CDKAL1: variants seen among roughly 807,000 people sequenced by gnomAD.
CDKAL1 encodes the protein CDKAL1 threonylcarbamoyladenosine tRNA methylthiotransferase.
A neutral mutation model predicts 68.2 loss-of-function variants in CDKAL1; 32 were observed. The observed-to-expected ratio is 0.47, with a 90% CI of 0.35 to 0.63. The LOEUF (loss-of-function observed/expected upper bound fraction) is 0.63, where lower values mean the gene tolerates loss of function less well. Ranked by LOEUF, CDKAL1 falls within the 30% of genes least tolerant of loss-of-function variation. The probability of loss-of-function intolerance (pLI) is 0.00; values close to 1 mark genes in which losing one functional copy is unlikely to be tolerated. For missense variants in CDKAL1, 606 were observed against 696.7 expected (o/e 0.87, Z 1.47); for synonymous variants, 234 against 244.3 (o/e 0.96, Z 0.39).
chr6:20,602,310 T>G (rs143690382), intron 4 of CDKAL1, among the ~76,000 whole-genome samples: 162 of 152,302 alleles, frequency 1.1e-3, no homozygotes, highest in Middle Eastern at 3.4e-3. Context: ...CCTTGTCAGC[T>G]CTCATGTCCA....
chr6:20,619,611 G>T (rs570546111), intron 4 of CDKAL1, among the ~76,000 whole-genome samples: 43 of 152,240 alleles, frequency 2.8e-4, no homozygotes, highest in African/African-American at 8.4e-4. Context: ...GTTATCATTT[G>T]TATCATTCAT....
rs148378577 is a variant in CDKAL1, at chr6:21,047,375, T to C, written c.1056-17673T>C. Reference sequence around the variant, plus strand: ...AGAGAAGCCATCATTTACAAAGCCTTGTGAATCTCCACTTATTCCTTTCCC... The same window carrying C: ...AGAGAAGCCATCATTTACAAAGCCTCGTGAATCTCCACTTATTCCTTTCCC... On this transcript the variant is annotated intron_variant, in intron 11 of 15. Coordinates refer to ENST00000274695, the MANE Select transcript of CDKAL1 (RefSeq NM_017774.3). Among the ~76,000 whole-genome samples the C allele has an allele frequency of 2.6e-5, 4 of 152,328 alleles. No individual in the cohort carries two copies. In the East Asian group the frequency reaches 7.7e-4, roughly 29 times the overall value.
intron 8 of CDKAL1, 31 bp downstream of exon 8, chr6:20,781,296 A>T: frequency 1.3e-6 from 2 of 1,559,212 alleles, no homozygotes; most frequent in Non-Finnish European, 1.7e-6. Flanking sequence ...CTCATAAAAT[A>T]TTCAATATAT....
intron 4 of CDKAL1, among the ~76,000 whole-genome samples, chr6:20,590,481 A>G (rs1765546310): frequency 6.6e-6 from 1 of 151,952 alleles, no homozygotes; most frequent in African/African-American, 2.4e-5. Context: ...TACATTAGGT[A>G]TTTCTCCTAA....
intron 9 of CDKAL1, among the ~76,000 whole-genome samples, chr6:20,935,761 G>T (rs1763676212): frequency 6.6e-6 from 1 of 152,098 alleles, no homozygotes. Flanking sequence ...ATAGAAACAG[G>T]ATCTTGCTAC....
intron 4 of CDKAL1, among the ~76,000 whole-genome samples, chr6:20,557,580 T>C (rs1256895981): frequency 1.3e-5 from 2 of 152,160 alleles, no homozygotes; most frequent in East Asian, 1.9e-4. Flanking sequence ...TGAATACATA[T>C]ATATGTTTTA....
At chr6:20,665,715 T>TC (rs145494032) in intron 5 of CDKAL1, among the ~76,000 whole-genome samples, 7 of 151,654 alleles carry the variant, frequency 4.6e-5, no homozygotes, top group African/African-American at 1.2e-4. Flanking sequence ...TTTTTTTTTT[T>TC]CTAAGCAATG....
chr6:20,737,768 G>A (rs908220337), intron 5 of CDKAL1, among the ~76,000 whole-genome samples: 4 of 152,112 alleles, frequency 2.6e-5, no homozygotes, highest in East Asian at 1.9e-4. Context: ...TTTTTATTTC[G>A]TTAACAAGCT....
Position 21,013,428 on chromosome 6 carries a change from A to ATATATTTATGGG in CDKAL1, c.1055+13057_1055+13058insATATTTATGGGT, listed in dbSNP as rs758030532. 4.2e-4 allele frequency among the ~76,000 whole-genome samples: 64 copies of ATATATTTATGGG among 152,106 alleles called. 2 individuals are homozygous for ATATATTTATGGG. The highest frequency in any genetic ancestry group is 6.5e-4 in the Non-Finnish European group (44 of 68,016). On this transcript the variant is annotated intron_variant, in intron 11 of 15. Coordinates refer to ENST00000274695, the MANE Select transcript of CDKAL1 (RefSeq NM_017774.3). ...AGTAAATGTATATATTTATGGGTGC[A>ATATATTTATGGG]TGAGATACTTTAGGCATACACTCCA...
chr6:20,654,135 G>A (rs1327118238), intron 5 of CDKAL1, among the ~76,000 whole-genome samples: 2 of 152,064 alleles, frequency 1.3e-5, no homozygotes, highest in Non-Finnish European at 2.9e-5. Flanking sequence ...CACCTGCCTC[G>A]GCCTCCCAAA....
At chr6:20,752,924 C>T (rs999758076) in intron 6 of CDKAL1, among the ~76,000 whole-genome samples, 1 of 152,064 alleles carries the variant, frequency 6.6e-6, no homozygotes, top group Non-Finnish European at 1.5e-5. Context: ...GGATCATTTC[C>T]TCAGTTTTTC....
intron 12 of CDKAL1, among the ~76,000 whole-genome samples, chr6:21,100,067 C>A (rs2150982149): frequency 7.2e-6 from 1 of 139,008 alleles, no homozygotes; most frequent in Non-Finnish European, 1.6e-5. Flanking sequence ...GCATTTGTTG[C>A]CTAAAGACCT....
rs76772493 is a variant in CDKAL1, at chr6:20,676,051, A to G, written c.371+26674A>G. On this transcript the variant is annotated intron_variant, in intron 5 of 15. Transcript: ENST00000274695. ...GGTAAATTAAACGTTTTTTAAATAAAAAAAGGTTATGGAATAAAGATAAAA... is the reference window on the plus strand; with the variant it reads ...GGTAAATTAAACGTTTTTTAAATAAGAAAAGGTTATGGAATAAAGATAAAA... 2.7e-3 allele frequency among the ~76,000 whole-genome samples: 412 copies of G among 152,312 alleles called. 2 individuals are homozygous for G. Among genetic ancestry groups the G allele is most frequent in the African/African-American group, 8.4e-3 (348 of 41,556 alleles).
intron 7 of CDKAL1, among the ~76,000 whole-genome samples, chr6:20,763,663 C>A (rs1774567811): frequency 6.6e-6 from 1 of 152,124 alleles, no homozygotes; most frequent in South Asian, 2.1e-4. Flanking sequence ...TGTTTGCATT[C>A]TTCTTATTGC....
intron 12 of CDKAL1, among the ~76,000 whole-genome samples, chr6:21,087,945 T>C (rs1046142440): frequency 4.3e-4 from 66 of 152,074 alleles, no homozygotes; most frequent in Non-Finnish European, 5.7e-4. Context: ...GTCTACTGGC[T>C]GAATATGGGG....
At chr6:20,811,678 C>T (rs1776822288) in intron 8 of CDKAL1, among the ~76,000 whole-genome samples, 1 of 151,876 alleles carries the variant, frequency 6.6e-6, no homozygotes. Context: ...CATATTACAT[C>T]ATAACAGGGT....
At chr6:21,224,534 C>T (rs1229462123) in intron 15 of CDKAL1, among the ~76,000 whole-genome samples, 10 of 151,724 alleles carry the variant, frequency 6.6e-5, no homozygotes, top group Admixed American at 6.6e-4. Context: ...TAAACAATAA[C>T]AATAATAATA....
intron 15 of CDKAL1, among the ~76,000 whole-genome samples, chr6:21,213,420 AC>A (rs1562122205): frequency 6.6e-6 from 1 of 152,166 alleles, no homozygotes; most frequent in African/African-American, 2.4e-5. Context: ...TGCCCTAATC[AC>A]CTATATGCCA....
intron 5 of CDKAL1, among the ~76,000 whole-genome samples, chr6:20,699,879 C>A (rs1771264251): frequency 6.6e-6 from 1 of 152,128 alleles, no homozygotes; most frequent in South Asian, 2.1e-4. Context: ...TAACAGATAG[C>A]CTCCCAAATT....
Sources: gnomAD v4.1 joint callset for allele counts (sites outside exome capture counted in the v4.1 genomes callset) on GRCh38, gnomAD v4.1.1 for gene constraint, MANE v1.5 for transcripts, NCBI Gene and HGNC (gene_info 2026-07-23, HGNC 2026-07-21) for gene names.